The following RGS6 variants were observed in gnomAD, a reference collection of about 807,000 sequenced individuals.
RGS6 encodes regulator of G protein signaling 6.
RGS6 carries 30 observed loss-of-function variants against 78.5 expected under a neutral mutation model. The observed-to-expected ratio is 0.38, with a 90% CI of 0.29 to 0.52. The LOEUF (loss-of-function observed/expected upper bound fraction) is 0.52. RGS6 is among the 20% of genes least tolerant of loss of function. The pLI is 0.85. For missense variants in RGS6, 495 were observed against 609.7 expected (o/e 0.81, Z 1.98); for synonymous variants, 206 against 206.0 (o/e 1.00, Z 0.00).
intron 2 of RGS6, among the ~76,000 whole-genome samples, chr14:71,971,339 TCTC>T (rs2093791608): frequency 6.6e-6 from 1 of 152,108 alleles, no homozygotes; most frequent in South Asian, 2.1e-4. Flanking sequence ...GAGAATTTCT[TCTC>T]CTGGGTCTCA....
At chr14:72,227,594 C>T (rs957358801) in intron 2 of RGS6, among the ~76,000 whole-genome samples, 5 of 152,104 alleles carry the variant, frequency 3.3e-5, no homozygotes, top group African/African-American at 9.7e-5. Flanking sequence ...CAAGCAAAAT[C>T]GTAAGTTGTA....
chr14:72,238,954 T>C (rs2051963503), intron 2 of RGS6, among the ~76,000 whole-genome samples: 1 of 152,172 alleles, frequency 6.6e-6, no homozygotes, highest in Non-Finnish European at 1.5e-5. Context: ...AGCAATTCCA[T>C]ATGGATCTGC....
chr14:72,527,861 T>C (rs1379240880), intron 15 of RGS6, among the ~76,000 whole-genome samples: 2 of 152,162 alleles, frequency 1.3e-5, no homozygotes, highest in Non-Finnish European at 2.9e-5. Context: ...CTGGATGTGA[T>C]TCTAGGCAGC....
chr14:72,385,140 G>A (rs750446153), intron 3 of RGS6, among the ~76,000 whole-genome samples: 16 of 152,058 alleles, frequency 1.1e-4, no homozygotes, highest in South Asian at 2.1e-4. Context: ...TTGCCATGTC[G>A]TTTATAGGAT....
chr14:72,475,169 A>G (rs895730602), intron 10 of RGS6, among the ~76,000 whole-genome samples: 1 of 150,576 alleles, frequency 6.6e-6, no homozygotes, highest in African/African-American at 2.4e-5. Context: ...CAAGCTTTAT[A>G]CTTAGAAGCA....
chr14:72,486,561 A>G (rs1327894769), intron 12 of RGS6, among the ~76,000 whole-genome samples: 1 of 152,126 alleles, frequency 6.6e-6, no homozygotes, highest in Non-Finnish European at 1.5e-5. Context: ...TCAGATTCCC[A>G]AGAGACCCAG....
At chr14:72,467,598 T>C (rs2095955110) in intron 7 of RGS6, among the ~76,000 whole-genome samples, 1 of 152,130 alleles carries the variant, frequency 6.6e-6, no homozygotes, top group African/African-American at 2.4e-5. Context: ...TTCACCTCTT[T>C]GATCCCACTG....
chr14:72,157,325 G>T (rs2096786875), intron 2 of RGS6, among the ~76,000 whole-genome samples: 1 of 152,144 alleles, frequency 6.6e-6, no homozygotes, highest in Non-Finnish European at 1.5e-5. Context: ...ATGGAAACGG[G>T]GATGTAGTTC....
the RGS6 span, among the ~76,000 whole-genome samples, chr14:72,618,936 T>A: frequency 6.6e-6 from 1 of 152,132 alleles, no homozygotes; most frequent in African/African-American, 2.4e-5. Flanking sequence ...AACACCACAC[T>A]ACACACAAGT....
At chr14:72,477,035 C>G (rs1425114944) in intron 11 of RGS6, 195 bp downstream of exon 11, 2 of 566,112 alleles carry the variant, frequency 3.5e-6, no homozygotes, top group Admixed American at 3.1e-5. Flanking sequence ...ATTCTCTACC[C>G]AGTTCCTCCA....
chr14:72,494,687 T>G (rs1285553995), intron 12 of RGS6, among the ~76,000 whole-genome samples: 2 of 152,202 alleles, frequency 1.3e-5, no homozygotes, highest in East Asian at 3.8e-4. Flanking sequence ...CTCCTTGTGG[T>G]CTGCTGATAT....
the RGS6 span, among the ~76,000 whole-genome samples, chr14:71,881,963 A>T: frequency 6.6e-5 from 10 of 152,174 alleles, no homozygotes; most frequent in African/African-American, 2.4e-4. Context: ...CATAACATAA[A>T]ACTTACCATT....
At chr14:72,201,241 T>C (rs1426315401) in intron 2 of RGS6, among the ~76,000 whole-genome samples, 1 of 152,210 alleles carries the variant, frequency 6.6e-6, no homozygotes, top group Non-Finnish European at 1.5e-5. Flanking sequence ...TCATTATATG[T>C]TAATTGCTTA....
At chr14:72,165,428 C>T (rs906475055) in intron 2 of RGS6, among the ~76,000 whole-genome samples, 3 of 152,164 alleles carry the variant, frequency 2.0e-5, no homozygotes, top group Middle Eastern at 3.2e-3. Context: ...TAATGAGCAG[C>T]GTGTTCTCCT....
At chr14:72,279,495 T>G (rs891077722) in intron 2 of RGS6, among the ~76,000 whole-genome samples, 1 of 152,176 alleles carries the variant, frequency 6.6e-6, no homozygotes, top group South Asian at 2.1e-4. Context: ...TTTGGCCTAC[T>G]CTGCTCAGAA....
At chr14:72,437,404 G>T (rs575848551) in intron 3 of RGS6, among the ~76,000 whole-genome samples, 4 of 150,040 alleles carry the variant, frequency 2.7e-5, no homozygotes, top group Non-Finnish European at 4.4e-5. Flanking sequence ...AGCACCTACA[G>T]CAGCTATCCT....
At chr14:72,566,630 C>CACACACACACACACAT (rs2097712429), downstream of RGS6, 1 of 978 alleles carries the variant, frequency 1.0e-3, no homozygotes, top group African/African-American at 6.3e-3. Context: ...TCCCCATTAT[C>CACACACACACACACAT]ACACACACAC....
the RGS6 span, among the ~76,000 whole-genome samples, chr14:72,594,040 G>A: frequency 1.4e-4 from 21 of 152,110 alleles, no homozygotes; most frequent in African/African-American, 4.8e-4. Flanking sequence ...TAACTCCCAG[G>A]ACAGTCATTT....
At chr14:72,179,623 T>A (rs1005849028) in intron 2 of RGS6, among the ~76,000 whole-genome samples, 2 of 151,906 alleles carry the variant, frequency 1.3e-5, no homozygotes, top group Admixed American at 6.6e-5. Context: ...GCCAACACCA[T>A]TTTTTTGTGA....
Sources: gnomAD v4.1 joint callset for allele counts (sites outside exome capture counted in the v4.1 genomes callset) on GRCh38, gnomAD v4.1.1 for gene constraint, MANE v1.5 for transcripts, NCBI Gene and HGNC (gene_info 2026-07-23, HGNC 2026-07-21) for gene names.